Variants in APLP2 observed in about 807,000 individuals in gnomAD.
APLP2 encodes the protein CDEI box-binding protein.
Under a neutral mutation model 89.9 loss-of-function variants are expected in APLP2, and 53 were observed. That is an observed-to-expected ratio of 0.59 (90% CI 0.47 to 0.74). APLP2 has a LOEUF of 0.74. Ranked by LOEUF, APLP2 falls within the 30% of genes least tolerant of loss-of-function variation. The pLI is 0.00. For synonymous variants in APLP2, 372 were observed against 348.6 expected (o/e 1.07, Z -0.75); for missense variants, 973 against 975.9 (o/e 1.00, Z 0.04).
In APLP2 at chr11:130,123,197, T is replaced by C. The variant is rs1395308652; in HGVS notation, c.923-415T>C. 6.6e-6 allele frequency among the ~76,000 whole-genome samples: 1 copy of C among 152,204 alleles called. No homozygotes were observed. Among genetic ancestry groups the C allele is most frequent in the African/African-American group, 2.4e-5 (1 of 41,456 alleles). On this transcript the variant is annotated intron_variant, in intron 6 of 16. Transcript: ENST00000338167. The surrounding 1 kb of genome is among the most constrained non-coding windows in gnomAD (Gnocchi z 4.0). ...AGAACATAAAAGTGGGAAACAATTG[T>C]CCGTTCTAGGTGCTTGTCTTTACTA...
chr11:130,115,717 T>A (rs146551262), intron 3 of APLP2, among the ~76,000 whole-genome samples: 1 of 152,332 alleles, frequency 6.6e-6, no homozygotes, highest in South Asian at 2.1e-4. Context: ...CCATTTTCAA[T>A]GTTCTGTAAA....
Position 130,123,570 on chromosome 11 carries a change from C to T in APLP2, c.923-42C>T, listed in dbSNP as rs1435161631. 1 of 1,582,026 alleles carries T rather than the reference C, an allele frequency of 6.3e-7. No individual in the cohort carries two copies. The highest frequency in any genetic ancestry group is 1.4e-5 in the African/African-American group (1 of 73,940). The stretch of plus-strand genomic sequence containing the variant: ...TGTAGCATTTTGAAGCATTTGACGT[C>T]ACTGCCTCTGTCCTGCTGACACTCT... On this transcript the variant is annotated intron_variant, in intron 6 of 16. Transcript: ENST00000338167. This position sits in a 1 kb window ranked among gnomAD's most constrained non-coding sequence, Gnocchi z 4.0.
At chr11:130,139,068 C>G (rs769606493) in intron 13 of APLP2, 1 of 152,196 alleles carries the variant, frequency 6.6e-6, no homozygotes, top group Non-Finnish European at 1.5e-5. Context: ...TTCCAGATCC[C>G]TCTTTCTCAA....
chr11:130,130,212 T>C, intron 11 of APLP2, 46 bp downstream of exon 11: 1 of 1,613,432 alleles, frequency 6.2e-7, no homozygotes. Context: ...GCATTTCCAG[T>C]GGGGAACATA....
chr11:130,091,233 C>T (rs1945057443), intron 1 of APLP2, among the ~76,000 whole-genome samples: 1 of 132,970 alleles, frequency 7.5e-6, no homozygotes, highest in Non-Finnish European at 1.6e-5. Flanking sequence ...CCCCCCCCAC[C>T]TCCCTCCCGC....
At chr11:130,113,242 A>G (rs946229822) in intron 3 of APLP2, among the ~76,000 whole-genome samples, 2 of 152,240 alleles carry the variant, frequency 1.3e-5, no homozygotes, top group Admixed American at 1.3e-4. Flanking sequence ...AAATACTACT[A>G]TAGTTGGTAC....
intron 11 of APLP2, among the ~76,000 whole-genome samples, chr11:130,131,681 A>G (rs1296435359): frequency 6.6e-6 from 1 of 152,214 alleles, no homozygotes; most frequent in East Asian, 1.9e-4. Context: ...ATCACTTTCC[A>G]AACTTTCTGG....
chr11:130,126,602 A>C, intron 7 of APLP2, 98 bp from the exon 8 acceptor site: 1 of 1,452,594 alleles, frequency 6.9e-7, no homozygotes, highest in South Asian at 1.2e-5. Flanking sequence ...ATGCCACAAA[A>C]CAAATTGAGT....
At chr11:130,137,424 G>A in intron 13 of APLP2, 1 of 876,140 alleles carries the variant, frequency 1.1e-6, no homozygotes, top group Non-Finnish European at 1.9e-6. Flanking sequence ...GGCTGTGAGT[G>A]GGGTCAGAGC....
intron 7 of APLP2, among the ~76,000 whole-genome samples, chr11:130,125,399 C>T (rs555571877): frequency 6.6e-6 from 1 of 152,264 alleles, no homozygotes; most frequent in Admixed American, 6.5e-5. Context: ...GACTGCAGTG[C>T]TTGAAATTCT....
chr11:130,098,134 C>T (rs1418443698), intron 1 of APLP2, among the ~76,000 whole-genome samples: 11 of 152,098 alleles, frequency 7.2e-5, no homozygotes, highest in South Asian at 2.1e-4. Flanking sequence ...TGGCCGGGCG[C>T]GGTGGCTCAC....
intron 1 of APLP2, chr11:130,101,829 T>C (rs1269095483): frequency 2.4e-6 from 1 of 422,206 alleles, no homozygotes; most frequent in Admixed American, 2.7e-5. Flanking sequence ...ACAGACCTTA[T>C]TCAAATAATT....
At chr11:130,088,931 A>G (rs1944498807) in intron 1 of APLP2, among the ~76,000 whole-genome samples, 1 of 151,922 alleles carries the variant, frequency 6.6e-6, no homozygotes, top group Non-Finnish European at 1.5e-5. Context: ...AGCTCACGTT[A>G]CCCTCTGGAA....
chr11:130,140,273 T>G, intron 13 of APLP2, 125 bp from the exon 14 acceptor site: 1 of 597,140 alleles, frequency 1.7e-6, no homozygotes, highest in Non-Finnish European at 2.9e-6. Flanking sequence ...TGGTGGCAGA[T>G]GAGTCGCGTG....
rs368879297 is a variant in APLP2 at position 130,135,675 on chromosome 11, C to T, written c.1797C>T (p.Phe599=). 3 of 1,612,616 alleles carry T rather than the reference C, an allele frequency of 1.9e-6. No individual in the cohort carries two copies. The highest frequency in any genetic ancestry group is 2.2e-5 in the East Asian group (1 of 44,892). The change falls in exon 13 of 17, where the codon TTC becomes TTT. Residue 599 remains phenylalanine (F), a synonymous_variant. Transcript: ENST00000338167. ...SSEESEEIPP[F]HPFHPFPALP... is the part of the protein sequence containing the mutation. Reference sequence around the variant, plus strand: ...AGGAGAGTGAGGAGATCCCACCGTTCCACCCCTTCCACCCCTTCCCAGCCC... The same window carrying T: ...AGGAGAGTGAGGAGATCCCACCGTTTCACCCCTTCCACCCCTTCCCAGCCC...
Position 130,140,381 on chromosome 11 carries a change from G to C in APLP2, c.1838-17G>C. ...GGGCCATCCTTGGGAACTCAGCCAT[G>C]ATCTCTCTCCACACAGGATCTGGAG... is the stretch of plus-strand genomic sequence containing the variant. On this transcript the variant is annotated splice_polypyrimidine_tract_variant and intron_variant, in intron 13 of 16. Coordinates refer to ENST00000338167, the MANE Select transcript of APLP2 (RefSeq NM_001142276.2). 2 of 1,587,350 alleles carry C rather than the reference G, an allele frequency of 1.3e-6. No homozygotes were observed. Among genetic ancestry groups the C allele is most frequent in the Non-Finnish European group, 1.7e-6 (2 of 1,168,424 alleles).
In APLP2 at chr11:130,143,515, C is replaced by T. The variant is rs1199009976; in HGVS notation, c.*67C>T. ...GGCCGGAAGATCCCACGATTCCGAT[C>T]GACTGCCAAGCAGCAGCCGCTGCCA... On this transcript the variant is annotated 3_prime_UTR_variant, in exon 17 of 17. Transcript: ENST00000338167. 5.1e-6 allele frequency: 7 copies of T among 1,383,768 alleles called. No homozygotes were observed. The highest frequency in any genetic ancestry group is 7.2e-6 in the Non-Finnish European group (7 of 975,466). 85.7% of individuals were successfully genotyped at this position (1,383,768 alleles called of 1,614,324 possible).
chr11:130,133,988 G>C (rs1591843073), intron 12 of APLP2, among the ~76,000 whole-genome samples: 1 of 152,344 alleles, frequency 6.6e-6, no homozygotes, highest in African/African-American at 2.4e-5. Context: ...AATATCTGGG[G>C]TGTGAAATTG....
intron 1 of APLP2, chr11:130,070,833 C>T (rs73023487): frequency 0.17 from 195,651 of 1,134,492 alleles, 22,959 homozygotes; most frequent in African/African-American, 0.57. Context: ...TCGTCCTCTT[C>T]GGGTGTCAGA....
Sources: allele counts gnomAD v4.1 joint callset (sites outside exome capture counted in the v4.1 genomes callset), GRCh38; gene constraint gnomAD v4.1.1; non-coding constraint Gnocchi (gnomAD v3.1); transcripts MANE v1.5; gene names NCBI Gene and HGNC (gene_info 2026-07-23, HGNC 2026-07-21).